Variants in ATP9B observed in about 807,000 individuals in gnomAD.
ATP9B encodes ATPase phospholipid transporting 9B.
In ATP9B, 110 loss-of-function variants were observed where a neutral mutation model predicts 146.1. The ratio of observed to expected loss-of-function variants is 0.75; its 90% CI spans 0.65 to 0.88. ATP9B has a LOEUF of 0.88. Among genes scored for constraint, ATP9B ranks in the 40% least tolerant of loss-of-function variants. The pLI is 0.00. For synonymous variants in ATP9B, 604 were observed against 569.7 expected, an observed-to-expected ratio of 1.06 and a Z score of -0.86; for missense variants, 1,499 against 1,496.4, an observed-to-expected ratio of 1.00 and a Z score of -0.03.
At chr18:79,264,002 G>A (rs965598334) in intron 12 of ATP9B, among the ~76,000 whole-genome samples, 12 of 152,018 alleles carry the variant, frequency 7.9e-5, no homozygotes, top group Admixed American at 3.3e-4. Context: ...GGAGAATGGC[G>A]TCAACCCGGA....
intron 11 of ATP9B, among the ~76,000 whole-genome samples, chr18:79,236,000 G>A (rs2095838292): frequency 1.3e-5 from 2 of 152,038 alleles, no homozygotes; most frequent in African/African-American, 2.4e-5. Flanking sequence ...CCTCCTGTAA[G>A]GTGTGTACCG....
chr18:79,266,475 T>A (rs960679593), intron 12 of ATP9B, among the ~76,000 whole-genome samples: 3 of 152,026 alleles, frequency 2.0e-5, no homozygotes, highest in Non-Finnish European at 4.4e-5. Context: ...GCAGCAAAGA[T>A]CTTCAGTATG....
chr18:79,319,990 C>T (rs2096706201), intron 15 of ATP9B, among the ~76,000 whole-genome samples: 1 of 152,168 alleles, frequency 6.6e-6, no homozygotes, highest in South Asian at 2.1e-4. Context: ...AACTCAGAGC[C>T]CAGATTGCTC....
intron 6 of ATP9B, among the ~76,000 whole-genome samples, chr18:79,147,853 A>G (rs1044797420): frequency 6.6e-6 from 1 of 152,090 alleles, no homozygotes; most frequent in Non-Finnish European, 1.5e-5. Context: ...GAAAATAGGA[A>G]GACAAGATAG....
At chr18:79,327,554 AGCGTGCTCTCCGTGGTTAG>A (rs2096758157) in intron 15 of ATP9B, among the ~76,000 whole-genome samples, 5 of 128,768 alleles carry the variant, frequency 3.9e-5, no homozygotes, top group African/African-American at 1.2e-4. Flanking sequence ...CTCCGTGGTT[AGCGTGCTCTCCGTGGTTAG>A]CGTGCTCTCC....
chr18:79,257,630 A>G (rs908860326), intron 12 of ATP9B, among the ~76,000 whole-genome samples: 8 of 152,232 alleles, frequency 5.3e-5, no homozygotes, highest in African/African-American at 1.9e-4. Flanking sequence ...ATGTCTTGGC[A>G]GAGAAAGCAC....
intron 20 of ATP9B, chr18:79,343,771 G>GT (rs2096871195): frequency 5.2e-6 from 1 of 191,752 alleles, no homozygotes; most frequent in Non-Finnish European, 1.1e-5. Flanking sequence ...AGCCGTGTCC[G>GT]TAACGCTGCG....
chr18:79,208,776 T>C (rs1290728984), intron 10 of ATP9B, among the ~76,000 whole-genome samples: 1 of 146,968 alleles, frequency 6.8e-6, no homozygotes, highest in South Asian at 2.1e-4. Context: ...AACATACGTA[T>C]ATAAATTTCT....
intron 13 of ATP9B, among the ~76,000 whole-genome samples, chr18:79,283,213 G>A (rs1282450704): frequency 6.6e-6 from 1 of 152,182 alleles, no homozygotes; most frequent in Admixed American, 6.5e-5. Flanking sequence ...GTCACCTTGG[G>A]GGCCTCAGTC....
intron 2 of ATP9B, among the ~76,000 whole-genome samples, chr18:79,106,478 T>C (rs2075659481): frequency 2.0e-5 from 3 of 152,162 alleles, no homozygotes; most frequent in Admixed American, 2.0e-4. Flanking sequence ...CCCTGTATAG[T>C]GGTTTCTGGC....
chr18:79,121,878 A>G (rs1019032810), intron 4 of ATP9B, among the ~76,000 whole-genome samples: 3 of 152,196 alleles, frequency 2.0e-5, no homozygotes, highest in Non-Finnish European at 2.9e-5. Context: ...TGTCTTCTCT[A>G]ATACTACTTC....
At chr18:79,369,165 G>A (rs375125257) in intron 26 of ATP9B, among the ~76,000 whole-genome samples, 35 of 152,188 alleles carry the variant, frequency 2.3e-4, no homozygotes, top group Non-Finnish European at 4.1e-4. Flanking sequence ...TTGGGAGGCC[G>A]AGGCGGGCGG....
chr18:79,344,817 C>T (rs565810394), intron 21 of ATP9B, among the ~76,000 whole-genome samples: 4 of 152,318 alleles, frequency 2.6e-5, no homozygotes, highest in Admixed American at 6.5e-5. Context: ...GCCTGTCCAG[C>T]GCCTTGGTTC....
At chr18:79,243,045 A>G (rs2095904528) in intron 11 of ATP9B, among the ~76,000 whole-genome samples, 1 of 152,266 alleles carries the variant, frequency 6.6e-6, no homozygotes, top group African/African-American at 2.4e-5. Flanking sequence ...AAAGTTAGCT[A>G]TTAGACTGCT....
At chr18:79,273,752 A>C (rs1369295652) in intron 12 of ATP9B, among the ~76,000 whole-genome samples, 1 of 152,162 alleles carries the variant, frequency 6.6e-6, no homozygotes, top group Admixed American at 6.5e-5. Context: ...ACGCACTTCA[A>C]ATTTTTCAGA....
At chr18:79,140,302 C>G (rs2094497805) in intron 5 of ATP9B, among the ~76,000 whole-genome samples, 1 of 151,984 alleles carries the variant, frequency 6.6e-6, no homozygotes, top group African/African-American at 2.4e-5. Context: ...ATATGATTAT[C>G]TTCTAAATAA....
chr18:79,350,420 A>G (rs1182802516), intron 25 of ATP9B, among the ~76,000 whole-genome samples: 1 of 152,218 alleles, frequency 6.6e-6, no homozygotes, highest in African/African-American at 2.4e-5. Context: ...TGTGGCCCAC[A>G]AGGAAAGCGC....
At chr18:79,188,012 G>T (rs1309710475) in intron 8 of ATP9B, among the ~76,000 whole-genome samples, 1 of 152,068 alleles carries the variant, frequency 6.6e-6, no homozygotes, top group East Asian at 1.9e-4. Context: ...CAAGAGTCCT[G>T]TGTAGAAAAC....
chr18:79,206,823 C>T (rs2095538677), intron 9 of ATP9B, 114 bp from the exon 10 acceptor site: 2 of 922,542 alleles, frequency 2.2e-6, no homozygotes, highest in Non-Finnish European at 1.6e-6. Context: ...TGCCTTTGCA[C>T]TGCTGTTCAC....
Sources: gnomAD v4.1 joint callset for allele counts (sites outside exome capture counted in the v4.1 genomes callset) on GRCh38, gnomAD v4.1.1 for gene constraint, MANE v1.5 for transcripts, NCBI Gene and HGNC (gene_info 2026-07-23, HGNC 2026-07-21) for gene names.